The following ANKRD20A1 variants were observed in gnomAD, a reference collection of about 807,000 sequenced individuals.
The protein encoded by ANKRD20A1 is ankyrin repeat domain-containing protein 20A1.
A neutral mutation model predicts 50.9 loss-of-function variants in ANKRD20A1; 2 were observed. The ratio of observed to expected loss-of-function variants is 0.04; its 90% CI spans 0.02 to 0.12. ANKRD20A1 has a LOEUF of 0.12. ANKRD20A1 is among the 10% of genes least tolerant of loss of function. The probability of loss-of-function intolerance (pLI) is 1.00; values close to 1 mark genes in which losing one functional copy is unlikely to be tolerated. For synonymous variants in ANKRD20A1, 10 were observed against 186.2 expected, an observed-to-expected ratio of 0.05 and a Z score of 7.70; for missense variants, 31 against 548.1, an observed-to-expected ratio of 0.06 and a Z score of 9.42.
At chr9:67,882,659 G>GT in intron 8 of ANKRD20A1, among the ~76,000 whole-genome samples, 1 of 136,164 alleles carries the variant, frequency 7.3e-6, no homozygotes, top group Middle Eastern at 3.5e-3. Context: ...TTCTTATACT[G>GT]TAAGTTCTAG....
chr9:67,860,238 A>C lies in ANKRD20A1; in HGVS notation c.203+609A>C, dbSNP rs1425239589. Among the ~76,000 whole-genome samples the C allele has an allele frequency of 4.4e-5, 2 of 45,192 alleles. 1 individual carries two copies. The highest frequency in any genetic ancestry group is 8.6e-5 in the Non-Finnish European group (2 of 23,158). 29.6% of individuals were successfully genotyped at this position (45,192 alleles called of 152,430 possible). ...ATGCCTGGCTAATTTTTGTATATTTAGTTTCACCACGTTGGCCAGGCTGGT... is the reference window on the plus strand; with the variant it reads ...ATGCCTGGCTAATTTTTGTATATTTCGTTTCACCACGTTGGCCAGGCTGGT... On this transcript the variant is annotated intron_variant, in intron 1 of 14. Coordinates refer to ENST00000562196, the MANE Select transcript of ANKRD20A1 (RefSeq NM_032250.5).
intron 8 of ANKRD20A1, among the ~76,000 whole-genome samples, chr9:67,884,235 C>T (rs1827837873): frequency 1.3e-5 from 2 of 148,876 alleles, no homozygotes; most frequent in South Asian, 4.4e-4. Context: ...CTTGTCTCTG[C>T]AAAGATAACA....
intron 4 of ANKRD20A1, among the ~76,000 whole-genome samples, chr9:67,867,664 ATT>A (rs139959475): frequency 6.9e-3 from 758 of 110,420 alleles, no homozygotes; most frequent in South Asian, 0.026. Flanking sequence ...AGTTTTATTA[ATT>A]TTTTTTTTTT....
intron 6 of ANKRD20A1, among the ~76,000 whole-genome samples, chr9:67,875,651 A>ATGCT (rs1827717034): frequency 1.0e-5 from 1 of 99,744 alleles, no homozygotes; most frequent in African/African-American, 3.7e-5. Flanking sequence ...TCGACAGAAC[A>ATGCT]GTTTCACAGC....
intron 8 of ANKRD20A1, among the ~76,000 whole-genome samples, chr9:67,882,756 T>G (rs1827820623): frequency 7.0e-6 from 1 of 142,920 alleles, no homozygotes; most frequent in African/African-American, 2.5e-5. Context: ...TCATTTACAT[T>G]AGGTATATCT....
chr9:67,889,068 GC>G (rs1395197737), intron 11 of ANKRD20A1, among the ~76,000 whole-genome samples: 1 of 147,784 alleles, frequency 6.8e-6, no homozygotes, highest in Non-Finnish European at 1.5e-5. Flanking sequence ...TCGGGTTCAA[GC>G]AATTCTCCTG....
rs1002902634 is a variant in ANKRD20A1 at position 67,861,390 on chromosome 9, CAA to C, written c.204-1550_204-1549del. 1.2e-4 allele frequency among the ~76,000 whole-genome samples: 5 copies of C among 42,004 alleles called. 2 individuals carry two copies. The highest frequency in any genetic ancestry group is 6.9e-4 in the African/African-American group (5 of 7,250). The allele number at this position is 42,004 out of a possible 152,430, so 27.6% of individuals were successfully genotyped here. On this transcript the variant is annotated intron_variant, in intron 1 of 14. Coordinates refer to ENST00000562196, the MANE Select transcript of ANKRD20A1 (RefSeq NM_032250.5). ...TTAATTGTGTTCTTTAAAAATAAAACAACACATATAAATAATTACTATTGCAA... is the reference window on the plus strand; with the variant it reads ...TTAATTGTGTTCTTTAAAAATAAAACCACATATAAATAATTACTATTGCAA...
At chr9:67,865,562 G>T (rs1255466083) in intron 3 of ANKRD20A1, among the ~76,000 whole-genome samples, 1 of 149,068 alleles carries the variant, frequency 6.7e-6, no homozygotes, top group South Asian at 2.1e-4. Context: ...GTGGTACACA[G>T]ATTTGTTTGT....
Position 67,864,653 on chromosome 9 carries a change from A to G in ANKRD20A1, c.492+1262A>G, listed in dbSNP as rs1288584249. Among the ~76,000 whole-genome samples the G allele has an allele frequency of 1.7e-4, 4 of 24,182 alleles. 2 individuals carry two copies. Among genetic ancestry groups the G allele is most frequent in the African/African-American group, 8.5e-4 (4 of 4,710 alleles). The allele number at this position is 24,182 out of a possible 152,430, so 15.9% of individuals were successfully genotyped here. On this transcript the variant is annotated intron_variant, in intron 3 of 14. Coordinates refer to ENST00000562196, the MANE Select transcript of ANKRD20A1 (RefSeq NM_032250.5). ...GAGACTCTTGTCTCTAACAACAATAATAGCCAAAAAAAAAAAAAAAAACCC... is the reference window on the plus strand; with the variant it reads ...GAGACTCTTGTCTCTAACAACAATAGTAGCCAAAAAAAAAAAAAAAAACCC...
chr9:67,888,959 T>C (rs1313242733), intron 11 of ANKRD20A1, among the ~76,000 whole-genome samples: 3 of 147,022 alleles, frequency 2.0e-5, no homozygotes, highest in African/African-American at 7.3e-5. Flanking sequence ...AACAATTAGG[T>C]GTTTTGTTTG....
chr9:67,890,414 AT>A (rs1228409192), intron 11 of ANKRD20A1, among the ~76,000 whole-genome samples: 1 of 149,540 alleles, frequency 6.7e-6, no homozygotes. Context: ...TACATCTGTA[AT>A]TTTGCAATTA....
At chr9:67,891,234 C>T (rs28575864) in intron 11 of ANKRD20A1, among the ~76,000 whole-genome samples, 4 of 130,004 alleles carry the variant, frequency 3.1e-5, no homozygotes, top group Non-Finnish European at 3.3e-5. Context: ...GCAGCAGTTG[C>T]GGTGAGCTGA....
At chr9:67,884,943 A>T (rs1224309381) in intron 9 of ANKRD20A1, among the ~76,000 whole-genome samples, 27 of 138,708 alleles carry the variant, frequency 1.9e-4, no homozygotes, top group Admixed American at 5.6e-4. Context: ...TGAAAATATG[A>T]GCACTAATAG....
rs372228480 is a variant in ANKRD20A1 at position 67,863,660 on chromosome 9, CT to C, written c.492+284del. On this transcript the variant is annotated intron_variant, in intron 3 of 14. Coordinates refer to ENST00000562196, the MANE Select transcript of ANKRD20A1 (RefSeq NM_032250.5). ...AACTTTTTTTCTACACAGGCTTATT[CT>C]TTTTTTTTTTTTTTCTTAATTAGTG... Among the ~76,000 whole-genome samples, 115 of 24,164 alleles carry C rather than the reference CT, an allele frequency of 4.8e-3. 35 individuals carry two copies. The highest frequency in any genetic ancestry group is 0.02 in the African/African-American group (89 of 4,446). 15.9% of individuals were successfully genotyped at this position (24,164 alleles called of 152,430 possible).
At chr9:67,867,567 ATCTTC>A (rs1177895578) in intron 4 of ANKRD20A1, among the ~76,000 whole-genome samples, 184 bp downstream of exon 4, 5 of 152,294 alleles carry the variant, frequency 3.3e-5, no homozygotes, top group Non-Finnish European at 5.9e-5. Context: ...AGTAGGATTC[ATCTTC>A]TCTTATAATA....
Position 67,861,645 on chromosome 9 carries a change from A to G in ANKRD20A1, c.204-1296A>G, listed in dbSNP as rs1188403082. On this transcript the variant is annotated intron_variant, in intron 1 of 14. Coordinates refer to ENST00000562196, the MANE Select transcript of ANKRD20A1 (RefSeq NM_032250.5). ...GAATATTGGGACTTAATCTCCTTGA[A>G]ACTTTATCTCCCACCTTTCAAACAA... is the stretch of plus-strand genomic sequence containing the variant. 2.0e-3 allele frequency among the ~76,000 whole-genome samples: 85 copies of G among 41,968 alleles called. 35 individuals carry two copies. In the East Asian group the frequency reaches 0.029, roughly 14 times the overall value. 27.5% of individuals were successfully genotyped at this position (41,968 alleles called of 152,430 possible).
chr9:67,865,695 T>G (rs997150638), intron 3 of ANKRD20A1, among the ~76,000 whole-genome samples: 1 of 118,586 alleles, frequency 8.4e-6, no homozygotes, highest in Non-Finnish European at 1.8e-5. Flanking sequence ...TTTGGTCTGC[T>G]GTGCAGAAGT....
chr9:67,871,101 TA>T, intron 5 of ANKRD20A1, 55 bp from the exon 6 acceptor site: 2 of 1,191,034 alleles, frequency 1.7e-6, no homozygotes, highest in South Asian at 2.8e-5. Context: ...GTTTGGTGAA[TA>T]TTTTTTATTT....
chr9:67,865,464 T>C (rs1587595114), intron 3 of ANKRD20A1, among the ~76,000 whole-genome samples: 1 of 132,850 alleles, frequency 7.5e-6, no homozygotes. Context: ...AGAAAGAAAA[T>C]ATTTTACATG....
Sources: allele counts gnomAD v4.1 joint callset (sites outside exome capture counted in the v4.1 genomes callset), GRCh38; gene constraint gnomAD v4.1.1; transcripts MANE v1.5; gene names NCBI Gene and HGNC (gene_info 2026-07-23, HGNC 2026-07-21).